The following ETFB variants were observed in gnomAD, a reference collection of about 807,000 sequenced individuals.
ETFB encodes the protein electron transfer flavoprotein subunit beta.
ETFB carries 20 observed loss-of-function variants against 25.6 expected under a neutral mutation model. That is an observed-to-expected ratio of 0.78 (90% CI 0.55 to 1.14). The LOEUF (loss-of-function observed/expected upper bound fraction) is 1.14, where lower values mean the gene tolerates loss of function less well. Among genes scored for constraint, ETFB ranks in the 50% most tolerant of loss-of-function variants. The pLI is 0.00. For synonymous variants in ETFB, 142 were observed against 146.7 expected, an observed-to-expected ratio of 0.97 and a Z score of 0.23; for missense variants, 286 against 342.6, an observed-to-expected ratio of 0.83 and a Z score of 1.30.
intron 1 of ETFB, 132 bp downstream of exon 1, chr19:51,366,138 T>G (rs1316969327): frequency 2.3e-6 from 2 of 881,190 alleles, no homozygotes; most frequent in East Asian, 2.5e-5. Flanking sequence ...TGCCCTCAGG[T>G]GACTTTGACG....
intron 1 of ETFB, among the ~76,000 whole-genome samples, chr19:51,363,072 T>C (rs1282894796): frequency 6.6e-6 from 1 of 152,088 alleles, no homozygotes; most frequent in Non-Finnish European, 1.5e-5. Context: ...TCTCCCTTTC[T>C]AGTTGCTAAG....
chr19:51,362,982 C>T (rs10410947), intron 1 of ETFB, among the ~76,000 whole-genome samples: 110,208 of 152,034 alleles, frequency 0.72, 41,051 homozygotes, highest in Non-Finnish European at 0.81. Context: ...CTCCCACCTC[C>T]TTCATGGAGA....
intron 1 of ETFB, among the ~76,000 whole-genome samples, chr19:51,363,818 A>G (rs1224369668): frequency 6.6e-6 from 1 of 152,148 alleles, no homozygotes; most frequent in Non-Finnish European, 1.5e-5. Context: ...AAGCAGAGGT[A>G]GGAGGGTGGT....
At chr19:51,360,259 G>A (rs984869282) in intron 1 of ETFB, among the ~76,000 whole-genome samples, 4 of 151,802 alleles carry the variant, frequency 2.6e-5, no homozygotes, top group Admixed American at 2.0e-4. Context: ...AAAATTAGTC[G>A]AGCGTTTTAG....
chr19:51,359,640 ATTAAGC>A (rs1369886817), intron 1 of ETFB, among the ~76,000 whole-genome samples: 1 of 152,228 alleles, frequency 6.6e-6, no homozygotes, highest in Non-Finnish European at 1.5e-5. Context: ...CATCTTCTCA[ATTAAGC>A]TTGAGTTGAT....
intron 1 of ETFB, among the ~76,000 whole-genome samples, chr19:51,358,835 A>C (rs868110049): frequency 0.28 from 41,199 of 147,124 alleles, 6,056 homozygotes; most frequent in South Asian, 0.41. Flanking sequence ...CAACAACAAA[A>C]AAAAAAAAAA....
intron 1 of ETFB, chr19:51,365,689 C>T (rs1406243919): frequency 6.1e-6 from 1 of 163,552 alleles, no homozygotes; most frequent in African/African-American, 2.4e-5. Flanking sequence ...CTACCCCCAG[C>T]TCAGTCAGGT....
intron 5 of ETFB, 70 bp from the exon 6 acceptor site, chr19:51,345,451 T>C: frequency 6.6e-7 from 1 of 1,509,056 alleles, no homozygotes; most frequent in African/African-American, 1.4e-5. Context: ...CTCCTTCCCA[T>C]GGGTGCCAGG....
intron 1 of ETFB, among the ~76,000 whole-genome samples, chr19:51,365,904 C>G (rs1368900718): frequency 6.6e-6 from 1 of 152,178 alleles, no homozygotes; most frequent in Non-Finnish European, 1.5e-5. Flanking sequence ...GTCAGAGGAA[C>G]CTGGATAGAA....
intron 4 of ETFB, among the ~76,000 whole-genome samples, chr19:51,349,771 C>T (rs1018251459): frequency 1.3e-5 from 2 of 151,368 alleles, no homozygotes; most frequent in African/African-American, 4.9e-5. Flanking sequence ...TTTTTTGAGA[C>T]GGAGCCTCCC....
At chr19:51,353,088 G>A in intron 3 of ETFB, 44 bp downstream of exon 3, 1 of 1,611,422 alleles carries the variant, frequency 6.2e-7, no homozygotes, top group Non-Finnish European at 8.5e-7. Context: ...CTCCTCCCGA[G>A]CAGGGATGAG....
intron 1 of ETFB, 91 bp downstream of exon 1, chr19:51,366,179 T>C (rs1252627884): frequency 2.3e-6 from 3 of 1,300,438 alleles, no homozygotes; most frequent in Non-Finnish European, 3.3e-6. Context: ...AGGTCGGGGG[T>C]TACGAGAAGA....
At chr19:51,354,434 C>T (rs374277927) in intron 1 of ETFB, 126 bp from the exon 2 acceptor site, 47 of 1,613,802 alleles carry the variant, frequency 2.9e-5, no homozygotes, top group Middle Eastern at 1.6e-4. Flanking sequence ...GGGCCTTGTC[C>T]GGGGTCACAC....
chr19:51,350,047 G>A lies in ETFB; in HGVS notation c.438+282C>T, dbSNP rs190551925. 856 of 423,730 alleles carry A rather than the reference G, an allele frequency of 2.0e-3. 14 individuals are homozygous for A. The Admixed American group carries it at 0.023, about 11-fold the overall frequency. 26.2% of individuals were successfully genotyped at this position (423,730 alleles called of 1,614,324 possible). On this transcript the variant is annotated intron_variant, in intron 4 of 5. Transcript: ENST00000309244. ...TTACAGGCATGACTCACCATGCCTG[G>A]CCCCAGCCTGCATTTCTATTGGACT...
intron 1 of ETFB, chr19:51,356,377 A>G (rs918741013): frequency 6.6e-6 from 1 of 152,178 alleles, no homozygotes; most frequent in Admixed American, 6.5e-5. Flanking sequence ...CCCTGCCTAC[A>G]CACACACCAT....
At chr19:51,347,968 G>A (rs1020887163) in intron 4 of ETFB, 2 of 152,258 alleles carry the variant, frequency 1.3e-5, no homozygotes, top group East Asian at 1.9e-4. Flanking sequence ...AAGGGCGCAC[G>A]TTGGAGAAGC....
chr19:51,348,591 A>C lies in ETFB; in HGVS notation c.439-1533T>G, dbSNP rs374926528. ...GCAACATAGTGAGACCCCCATCTCT[A>C]TCTAAATAAAAGAGTTTAAGAAAAG... On this transcript the variant is annotated intron_variant, in intron 4 of 5. Transcript: ENST00000309244. 8 of 152,256 alleles carry C rather than the reference A, an allele frequency of 5.3e-5. 1 individual carries two copies. Among genetic ancestry groups the C allele is most frequent in the Admixed American group, 2.0e-4 (3 of 15,286 alleles). The allele number at this position is 152,256 out of a possible 1,614,324, so 9.4% of individuals were successfully genotyped here.
At chr19:51,356,509 C>A (rs1237598526) in intron 1 of ETFB, 1 of 152,240 alleles carries the variant, frequency 6.6e-6, no homozygotes, top group Non-Finnish European at 1.5e-5. Context: ...GCTAAACAGA[C>A]AAGGGAGGTA....
At chr19:51,362,686 T>C (rs2123613310) in intron 1 of ETFB, among the ~76,000 whole-genome samples, 1 of 152,154 alleles carries the variant, frequency 6.6e-6, no homozygotes, top group East Asian at 1.9e-4. Flanking sequence ...TTGTACAGAG[T>C]AGAAAAATGA....
Sources: gnomAD v4.1 joint callset for allele counts (sites outside exome capture counted in the v4.1 genomes callset) on GRCh38, gnomAD v4.1.1 for gene constraint, MANE v1.5 for transcripts, NCBI Gene and HGNC (gene_info 2026-07-23, HGNC 2026-07-21) for gene names.